SRGAP2C: variants seen among roughly 807,000 people sequenced by gnomAD.
The protein encoded by SRGAP2C is SLIT-ROBO Rho GTPase-activating protein 2C.
SRGAP2C carries 15 observed loss-of-function variants against 25.1 expected under a neutral mutation model. The ratio of observed to expected loss-of-function variants is 0.60; its 90% CI spans 0.40 to 0.92. SRGAP2C has a LOEUF of 0.92. Among genes scored for constraint, SRGAP2C ranks in the 40% least tolerant of loss-of-function variants. The pLI is 0.00. For missense variants in SRGAP2C, 144 were observed against 264.4 expected (o/e 0.54, Z 3.16); for synonymous variants, 44 against 96.6 (o/e 0.46, Z 3.19).
chr1:121,384,768 C>T (rs1201508809), intron 8 of SRGAP2C, among the ~76,000 whole-genome samples: 9 of 151,362 alleles, frequency 5.9e-5, no homozygotes, highest in Admixed American at 1.3e-4. Context: ...TTCCATACTC[C>T]GGAGTGCAGC....
chr1:121,295,336 G>A (rs1263864553), intron 3 of SRGAP2C, among the ~76,000 whole-genome samples: 1 of 151,684 alleles, frequency 6.6e-6, no homozygotes, highest in East Asian at 1.9e-4. Flanking sequence ...TTCTGATTAA[G>A]GAAGATTAAC....
chr1:121,285,187 AGAT>A lies in SRGAP2C; in HGVS notation c.260+198_260+200del, dbSNP rs1333525398. Reference sequence around the variant, plus strand: ...TTCAACATTTCATAGAGATGAGAGTAGATGATGAACCATGCTAATAATAACAGC... The same window carrying A: ...TTCAACATTTCATAGAGATGAGAGTAGATGAACCATGCTAATAATAACAGC... On this transcript the variant is annotated intron_variant, in intron 3 of 9. Coordinates refer to ENST00000367123, the MANE Select transcript of SRGAP2C (RefSeq NM_001329984.2). Among the ~76,000 whole-genome samples the A allele has an allele frequency of 2.0e-5, 3 of 149,990 alleles. No homozygotes were observed. In the East Asian group the frequency reaches 5.9e-4, roughly 30 times the overall value.
At chr1:121,376,953 C>T (rs1192123613) in intron 7 of SRGAP2C, among the ~76,000 whole-genome samples, 3 of 151,250 alleles carry the variant, frequency 2.0e-5, no homozygotes, top group Non-Finnish European at 4.4e-5. Flanking sequence ...AGGCAACTTC[C>T]CTACCTTTTT....
chr1:121,211,069 AGAAG>A (rs2101419639), intron 2 of SRGAP2C, among the ~76,000 whole-genome samples: 1 of 145,568 alleles, frequency 6.9e-6, no homozygotes, highest in South Asian at 2.2e-4. Flanking sequence ...TTCCTTGAAA[AGAAG>A]GAAGGGGCTG....
chr1:121,236,234 C>G (rs587687880), intron 2 of SRGAP2C, among the ~76,000 whole-genome samples: 1 of 152,040 alleles, frequency 6.6e-6, no homozygotes, highest in African/African-American at 2.4e-5. Context: ...TGCACCCCTG[C>G]TTATAGCCAG....
chr1:121,262,772 G>A (rs1227884768), intron 2 of SRGAP2C, among the ~76,000 whole-genome samples: 6 of 150,210 alleles, frequency 4.0e-5, no homozygotes, highest in African/African-American at 1.2e-4. Context: ...CTTTTATTCT[G>A]AGAAATGTGC....
chr1:121,284,722 T>C, intron 2 of SRGAP2C, 81 bp from the exon 3 acceptor site: 2 of 415,084 alleles, frequency 4.8e-6, no homozygotes, highest in South Asian at 7.4e-5. Flanking sequence ...AATAAGTAAG[T>C]GGAAGGTGGG....
chr1:121,327,991 G>GA (rs1658351305), intron 4 of SRGAP2C, among the ~76,000 whole-genome samples: 1 of 152,224 alleles, frequency 6.6e-6, no homozygotes, highest in Non-Finnish European at 1.5e-5. Context: ...ACGATAAGGG[G>GA]ATCCTACACT....
At chr1:121,321,044 C>G (rs1326617878) in intron 3 of SRGAP2C, among the ~76,000 whole-genome samples, 1 of 151,646 alleles carries the variant, frequency 6.6e-6, no homozygotes, top group Admixed American at 6.6e-5. Flanking sequence ...CTATGCAAAG[C>G]TACATGTATT....
At chr1:121,286,307 C>T (rs1483604024) in intron 3 of SRGAP2C, among the ~76,000 whole-genome samples, 4 of 138,578 alleles carry the variant, frequency 2.9e-5, no homozygotes, top group South Asian at 2.3e-4. Context: ...AGTACAATAG[C>T]GTGATCTTGG....
chr1:121,309,440 T>C lies in SRGAP2C; in HGVS notation c.261-15038T>C, dbSNP rs1364152088. On this transcript the variant is annotated intron_variant, in intron 3 of 9. Coordinates refer to ENST00000367123, the MANE Select transcript of SRGAP2C (RefSeq NM_001329984.2). ...TGAATCATTCCTTTTTTTTTTTTAA[T>C]ACTTTAAGTTTTAGGGTACATGTGC... is the stretch of plus-strand genomic sequence containing the variant. 5.0e-5 allele frequency among the ~76,000 whole-genome samples: 6 copies of C among 120,602 alleles called. No individual in the cohort carries two copies. The East Asian group carries it at 1.8e-3, about 36-fold the overall frequency. The allele number at this position is 120,602 out of a possible 152,430, so 79.1% of individuals were successfully genotyped here.
chr1:121,340,376 A>G (rs1341448843), intron 4 of SRGAP2C, among the ~76,000 whole-genome samples: 1 of 150,336 alleles, frequency 6.7e-6, no homozygotes, highest in African/African-American at 2.4e-5. Flanking sequence ...GGACTGAAGG[A>G]AAAAAAAAAG....
chr1:121,338,186 C>T (rs1223105340), intron 4 of SRGAP2C, among the ~76,000 whole-genome samples: 2 of 141,934 alleles, frequency 1.4e-5, no homozygotes, highest in African/African-American at 5.3e-5. Flanking sequence ...TGCAGTCATA[C>T]GTTGCTGTGC....
chr1:121,207,242 T>G (rs1318347290), intron 2 of SRGAP2C, among the ~76,000 whole-genome samples: 4 of 152,144 alleles, frequency 2.6e-5, no homozygotes, highest in Admixed American at 1.3e-4. Flanking sequence ...AGGGGCTTCG[T>G]GTTTGTATGC....
chr1:121,368,568 G>T (rs1270545469), intron 5 of SRGAP2C, among the ~76,000 whole-genome samples: 1 of 151,978 alleles, frequency 6.6e-6, no homozygotes, highest in Non-Finnish European at 1.5e-5. Flanking sequence ...TGTCAGTGCT[G>T]AAACTGGAAA....
rs60483360 is a variant in SRGAP2C, at chr1:121,197,998, T to C, written c.67+10485T>C. Among the ~76,000 whole-genome samples the C allele has an allele frequency of 7.2e-3, 160 of 22,206 alleles. 4 individuals are homozygous for C. The highest frequency in any genetic ancestry group is 0.026 in the African/African-American group (150 of 5,778). The allele number at this position is 22,206 out of a possible 152,430, so 14.6% of individuals were successfully genotyped here. A position where few individuals can be genotyped will look rare whatever the true frequency, so the allele number is the denominator to read the frequency against. On this transcript the variant is annotated intron_variant, in intron 2 of 9. Coordinates refer to ENST00000367123, the MANE Select transcript of SRGAP2C (RefSeq NM_001329984.2). ...AAAAAGGAACTGTTTTGTTCCTTTT[T>C]CAAAGCACGGTGTGGAGAGAGCTAT...
At chr1:121,239,664 G>A (rs145969629) in intron 2 of SRGAP2C, among the ~76,000 whole-genome samples, 58,038 of 136,018 alleles carry the variant, frequency 0.43, 9,896 homozygotes, top group Non-Finnish European at 0.53. Flanking sequence ...TAATTCCAGT[G>A]GAGTAAGAAG....
Position 121,354,274 on chromosome 1 carries a change from CTTTCTTTCT to C in SRGAP2C, c.424-11016_424-11008del, listed in dbSNP as rs1158712850. Reference sequence around the variant, plus strand: ...TTCTTTCTCTCTCCTTTCTTTCTTTCTTTCTTTCTTTCTTTCTTTCTTTCTTTCTTTCTT... The same window carrying C: ...TTCTTTCTCTCTCCTTTCTTTCTTTCTTCTTTCTTTCTTTCTTTCTTTCTT... On this transcript the variant is annotated intron_variant, in intron 4 of 9. Transcript: ENST00000367123. Among the ~76,000 whole-genome samples, 2 of 32,568 alleles carry C rather than the reference CTTTCTTTCT, an allele frequency of 6.1e-5. 1 individual carries two copies. Among genetic ancestry groups the C allele is most frequent in the Non-Finnish European group, 1.3e-4 (2 of 15,208 alleles). 21.4% of individuals were successfully genotyped at this position (32,568 alleles called of 152,430 possible).
At chr1:121,303,489 G>T (rs1173955451) in intron 3 of SRGAP2C, among the ~76,000 whole-genome samples, 2 of 152,052 alleles carry the variant, frequency 1.3e-5, no homozygotes, top group African/African-American at 4.8e-5. Flanking sequence ...GGCTTAACTT[G>T]TACTTTCCTT....
Sources: gnomAD v4.1 joint callset for allele counts (sites outside exome capture counted in the v4.1 genomes callset) on GRCh38, gnomAD v4.1.1 for gene constraint, MANE v1.5 for transcripts, NCBI Gene and HGNC (gene_info 2026-07-23, HGNC 2026-07-21) for gene names.